Variants in SCIN observed in about 807,000 individuals in gnomAD.
The protein encoded by SCIN is adseverin.
SCIN carries 91 observed loss-of-function variants against 91.8 expected under a neutral mutation model. The ratio of observed to expected loss-of-function variants is 0.99; its 90% CI spans 0.84 to 1.18. SCIN has a LOEUF of 1.18. Among genes scored for constraint, SCIN ranks in the 50% most tolerant of loss-of-function variants. The pLI, the probability that SCIN is intolerant of heterozygous loss-of-function variation, is 0.00. For synonymous variants in SCIN, 367 were observed against 312.6 expected (o/e 1.17, Z -1.84); for missense variants, 1,087 against 863.9 (o/e 1.26, Z -3.24).
intron 4 of SCIN, among the ~76,000 whole-genome samples, chr7:12,617,708 A>G (rs1468586079): frequency 6.6e-6 from 1 of 152,152 alleles, no homozygotes; most frequent in Non-Finnish European, 1.5e-5. Context: ...AGCAAAGCTG[A>G]TGCCACAGAG....
chr7:12,605,312 G>C (rs940856117), intron 4 of SCIN, among the ~76,000 whole-genome samples: 1 of 152,162 alleles, frequency 6.6e-6, no homozygotes, highest in Non-Finnish European at 1.5e-5. Context: ...GCCTCCCAAA[G>C]TGCTGGGATT....
intron 5 of SCIN, among the ~76,000 whole-genome samples, chr7:12,624,666 A>G (rs1783475378): frequency 6.6e-6 from 1 of 152,220 alleles, no homozygotes; most frequent in African/African-American, 2.4e-5. Flanking sequence ...TGCTTAGTAC[A>G]TAAGAGCATC....
At chr7:12,610,802 A>G (rs565949279) in intron 4 of SCIN, among the ~76,000 whole-genome samples, 2 of 152,260 alleles carry the variant, frequency 1.3e-5, no homozygotes, top group African/African-American at 4.8e-5. Flanking sequence ...AAAACAACAA[A>G]CAGGTCTTGA....
chr7:12,579,253 A>C (rs926130013), intron 2 of SCIN, among the ~76,000 whole-genome samples: 1 of 152,168 alleles, frequency 6.6e-6, no homozygotes, highest in African/African-American at 2.4e-5. Flanking sequence ...TGAGATCAGA[A>C]CAAAACACTT....
rs980148710 is a variant in SCIN, at chr7:12,658,502, C to A, written c.*5787C>A. ...CAGTAACACAATGCCTTCTGAGAAA[C>A]AATGTTGTTCCACATTTTAGAGTTT... On this transcript the variant is annotated 3_prime_UTR_variant, in exon 16 of 16. Coordinates refer to ENST00000297029, the MANE Select transcript of SCIN (RefSeq NM_001112706.3). 4 of 152,180 alleles carry A rather than the reference C, an allele frequency of 2.6e-5. No individual in the cohort carries two copies. Among genetic ancestry groups the A allele is most frequent in the African/African-American group, 9.6e-5 (4 of 41,452 alleles). The allele number at this position is 152,180 out of a possible 1,614,324, so 9.4% of individuals were successfully genotyped here.
At chr7:12,609,020 T>A (rs966730275) in intron 4 of SCIN, among the ~76,000 whole-genome samples, 12 of 152,216 alleles carry the variant, frequency 7.9e-5, no homozygotes, top group Non-Finnish European at 1.6e-4. Context: ...GAAAAATTTA[T>A]CTTTAGTTTG....
chr7:12,656,164 T>G lies in SCIN; in HGVS notation c.*3449T>G, dbSNP rs2115310013. 1 of 152,326 alleles carries G rather than the reference T, an allele frequency of 6.6e-6. No homozygotes were observed. The highest frequency in any genetic ancestry group is 1.5e-5 in the Non-Finnish European group (1 of 68,024). 9.4% of individuals were successfully genotyped at this position (152,326 alleles called of 1,614,324 possible). Reference sequence around the variant, plus strand: ...TTCACATTGTATTTTGAACAATGTTTTGGCCTCCAGTAATGATTAGGAACA... The same window carrying G: ...TTCACATTGTATTTTGAACAATGTTGTGGCCTCCAGTAATGATTAGGAACA... On this transcript the variant is annotated 3_prime_UTR_variant, in exon 16 of 16. Transcript: ENST00000297029.
At position 12,625,932 on chromosome 7, in the gene SCIN, TG is replaced by T. The variant is rs536795763; in HGVS notation, c.981+85del. The stretch of plus-strand genomic sequence containing the variant: ...TCTCCACGAAACTCATGAAAAAGTT[TG>T]GGTCAAAGTAACGTCTGTATGTGAA... On this transcript the variant is annotated intron_variant, in intron 7 of 15. Coordinates refer to ENST00000297029, the MANE Select transcript of SCIN (RefSeq NM_001112706.3). 3.4e-5 allele frequency: 32 copies of T among 954,458 alleles called. No individual in the cohort carries two copies. The East Asian group carries it at 8.0e-4, about 24-fold the overall frequency. The allele number at this position is 954,458 out of a possible 1,614,324, so 59.1% of individuals were successfully genotyped here. A position where few individuals can be genotyped will look rare whatever the true frequency, so the allele number is the denominator to read the frequency against.
intron 4 of SCIN, among the ~76,000 whole-genome samples, chr7:12,617,636 A>T (rs1032335603): frequency 1.3e-5 from 2 of 152,142 alleles, no homozygotes; most frequent in Non-Finnish European, 2.9e-5. Context: ...CTAACAAGCT[A>T]ATGTGAACCT....
chr7:12,612,552 G>A (rs377588629), intron 4 of SCIN, among the ~76,000 whole-genome samples: 2 of 152,110 alleles, frequency 1.3e-5, no homozygotes, highest in East Asian at 3.9e-4. Context: ...AAGTATTACA[G>A]TGATAAGGAG....
rs1316635730 is a variant in SCIN, at chr7:12,655,526, TTAAA to T, written c.*2817_*2820del. On this transcript the variant is annotated 3_prime_UTR_variant, in exon 16 of 16. Transcript: ENST00000297029. The stretch of plus-strand genomic sequence containing the variant: ...AAAAGATGTTCTAAGACACTCTTAA[TTAAA>T]TAAATTCACAATAAAATAATCATAC... The T allele has an allele frequency of 1.3e-5, 2 of 152,188 alleles. No individual in the cohort carries two copies. The highest frequency in any genetic ancestry group is 2.4e-5 in the African/African-American group (1 of 41,454). The allele number at this position is 152,188 out of a possible 1,614,324, so 9.4% of individuals were successfully genotyped here.
intron 13 of SCIN, among the ~76,000 whole-genome samples, chr7:12,647,954 C>T (rs1180316900): frequency 6.6e-6 from 1 of 152,136 alleles, no homozygotes; most frequent in Non-Finnish European, 1.5e-5. Flanking sequence ...GCCAACGCCC[C>T]AGTCAGCTCC....
intron 3 of SCIN, chr7:12,589,425 G>C (rs963593084): frequency 6.6e-6 from 1 of 152,104 alleles, no homozygotes; most frequent in Non-Finnish European, 1.5e-5. Flanking sequence ...GGGTTTCACC[G>C]TGTTAGCCAA....
chr7:12,580,734 A>T (rs1358237986), intron 2 of SCIN, among the ~76,000 whole-genome samples: 1 of 152,048 alleles, frequency 6.6e-6, no homozygotes, highest in Non-Finnish European at 1.5e-5. Flanking sequence ...TGATTTGGGG[A>T]TCATTAGTGT....
intron 3 of SCIN, among the ~76,000 whole-genome samples, chr7:12,597,203 G>T (rs138930547): frequency 6.6e-6 from 1 of 152,140 alleles, no homozygotes; most frequent in South Asian, 2.1e-4. Flanking sequence ...AAAAAGGTTC[G>T]TGGAGTTATC....
In SCIN at chr7:12,656,436, A is replaced by G. The variant is rs556538278; in HGVS notation, c.*3721A>G. The G allele has an allele frequency of 2.6e-5, 4 of 152,294 alleles. No individual in the cohort carries two copies. Among genetic ancestry groups the G allele is most frequent in the Admixed American group, 2.0e-4 (3 of 15,294 alleles). 9.4% of individuals were successfully genotyped at this position (152,294 alleles called of 1,614,324 possible). On this transcript the variant is annotated 3_prime_UTR_variant, in exon 16 of 16. Coordinates refer to ENST00000297029, the MANE Select transcript of SCIN (RefSeq NM_001112706.3). ...TTTAAACCTAATTTATTTTAAACCT[A>G]ATTTATTTATTTTAAACATTTATTT...
Position 12,626,810 on chromosome 7 carries a change from G to A in SCIN, c.1197+11G>A. ...TCTGGCAAAGTGGAGGTATTTACCTGTTTTTGTTTTTATCAAGCCCATTAA... is the reference window on the plus strand; with the variant it reads ...TCTGGCAAAGTGGAGGTATTTACCTATTTTTGTTTTTATCAAGCCCATTAA... On this transcript the variant is annotated intron_variant, in intron 8 of 15. Transcript: ENST00000297029. 1.3e-6 allele frequency: 2 copies of A among 1,582,228 alleles called. No individual in the cohort carries two copies. The highest frequency in any genetic ancestry group is 1.7e-6 in the Non-Finnish European group (2 of 1,160,886).
rs6950261 is a variant in SCIN at position 12,648,846 on chromosome 7, G to A, written c.1882-621G>A. ...AGTTTATTGAGATGCAAGGCTTGAG[G>A]ATAGCCACCCAGAAAACGCTGACTC... On this transcript the variant is annotated intron_variant, in intron 13 of 15. Transcript: ENST00000297029. Among the ~76,000 whole-genome samples, 470 of 152,278 alleles carry A rather than the reference G, an allele frequency of 3.1e-3. 2 individuals carry two copies. The highest frequency in any genetic ancestry group is 0.011 in the African/African-American group (456 of 41,556).
intron 8 of SCIN, among the ~76,000 whole-genome samples, chr7:12,627,162 A>G (rs1562623644): frequency 6.6e-6 from 1 of 152,114 alleles, no homozygotes; most frequent in Non-Finnish European, 1.5e-5. Context: ...ATACATATAT[A>G]TTTATAAATG....
Sources: gnomAD v4.1 joint callset for allele counts (sites outside exome capture counted in the v4.1 genomes callset) on GRCh38, gnomAD v4.1.1 for gene constraint, MANE v1.5 for transcripts, NCBI Gene and HGNC (gene_info 2026-07-23, HGNC 2026-07-21) for gene names.